MINDY4: variants seen among roughly 807,000 people sequenced by gnomAD.
MINDY4 encodes the protein probable ubiquitin carboxyl-terminal hydrolase MINDY-4.
MINDY4 carries 68 observed loss-of-function variants against 87.0 expected under a neutral mutation model. The observed-to-expected ratio is 0.78, with a 90% CI of 0.64 to 0.96. The LOEUF (loss-of-function observed/expected upper bound fraction) is 0.96, where lower values mean the gene tolerates loss of function less well. MINDY4 is among the 40% of genes least tolerant of loss of function. The pLI is 0.00. For synonymous variants in MINDY4, 379 were observed against 363.2 expected (o/e 1.04, Z -0.50); for missense variants, 919 against 928.2 (o/e 0.99, Z 0.13).
intron 5 of MINDY4, among the ~76,000 whole-genome samples, chr7:30,797,339 C>T (rs930445531): frequency 1.3e-5 from 2 of 152,130 alleles, no homozygotes; most frequent in African/African-American, 2.4e-5. Flanking sequence ...ATTACAAGTG[C>T]TAAGGGGAAA....
intron 5 of MINDY4, among the ~76,000 whole-genome samples, chr7:30,823,566 A>G (rs1168427788): frequency 2.0e-5 from 3 of 152,100 alleles, no homozygotes; most frequent in Non-Finnish European, 2.9e-5. Context: ...CATTATTTCA[A>G]TGACTGCATT....
chr7:30,773,067 G>A (rs1304695666), intron 1 of MINDY4, among the ~76,000 whole-genome samples: 1 of 152,152 alleles, frequency 6.6e-6, no homozygotes, highest in African/African-American at 2.4e-5. Context: ...GGCCCTAAGA[G>A]TAGAAAGGAG....
intron 5 of MINDY4, among the ~76,000 whole-genome samples, chr7:30,820,348 A>G (rs1339778060): frequency 1.3e-5 from 2 of 151,378 alleles, no homozygotes; most frequent in South Asian, 2.1e-4. Flanking sequence ...TTTTCTTTAT[A>G]TAATTTCTCC....
At chr7:30,887,779 G>T (rs1790677301) in intron 17 of MINDY4, among the ~76,000 whole-genome samples, 1 of 152,212 alleles carries the variant, frequency 6.6e-6, no homozygotes, top group South Asian at 2.1e-4. Context: ...GTGCTGACGG[G>T]GACCCGCGGG....
intron 7 of MINDY4, among the ~76,000 whole-genome samples, chr7:30,837,352 G>A (rs1041675834): frequency 1.3e-5 from 2 of 152,162 alleles, no homozygotes; most frequent in Non-Finnish European, 1.5e-5. Context: ...AGGATGGAAT[G>A]TCATTCCCGC....
intron 5 of MINDY4, among the ~76,000 whole-genome samples, chr7:30,793,607 G>A (rs554155583): frequency 2.6e-4 from 39 of 152,152 alleles, no homozygotes; most frequent in Non-Finnish European, 5.1e-4. Flanking sequence ...TTTTTGTAGA[G>A]ACGGGGTTTT....
chr7:30,796,832 T>C (rs1787503823), intron 5 of MINDY4: 1 of 151,866 alleles, frequency 6.6e-6, no homozygotes, highest in Admixed American at 6.6e-5. Flanking sequence ...TTGCTCTTCA[T>C]GTTACAGATC....
chr7:30,833,542 G>A (rs1166374275), intron 6 of MINDY4, among the ~76,000 whole-genome samples: 1 of 152,126 alleles, frequency 6.6e-6, no homozygotes, highest in Non-Finnish European at 1.5e-5. Flanking sequence ...ACAGAGCCAA[G>A]CCATATCATT....
intron 5 of MINDY4, among the ~76,000 whole-genome samples, chr7:30,820,869 AT>A (rs1431727596): frequency 1.3e-5 from 2 of 152,214 alleles, no homozygotes; most frequent in African/African-American, 4.8e-5. Flanking sequence ...GAAAAATGGA[AT>A]TGCAGAATAA....
intron 4 of MINDY4, among the ~76,000 whole-genome samples, chr7:30,788,076 G>A (rs997586531): frequency 6.6e-6 from 1 of 152,100 alleles, no homozygotes; most frequent in South Asian, 2.1e-4. Context: ...TCTCTTTAAC[G>A]TCTTGTTTAG....
intron 15 of MINDY4, among the ~76,000 whole-genome samples, chr7:30,881,883 T>A (rs1790472073): frequency 6.6e-6 from 1 of 152,000 alleles, no homozygotes; most frequent in African/African-American, 2.4e-5. Context: ...AGCTCTTGGA[T>A]GCAGAATGAG....
At chr7:30,844,838 G>A (rs141052324) in intron 9 of MINDY4, among the ~76,000 whole-genome samples, 78 of 152,318 alleles carry the variant, frequency 5.1e-4, no homozygotes, top group African/African-American at 1.3e-3. Flanking sequence ...CACTTTCTCC[G>A]TTTGTGAACT....
chr7:30,891,304 C>G (rs1790786203), intron 17 of MINDY4, among the ~76,000 whole-genome samples: 1 of 152,196 alleles, frequency 6.6e-6, no homozygotes, highest in Non-Finnish European at 1.5e-5. Context: ...TAGGAAATGT[C>G]ATGGTCTCAC....
chr7:30,855,386 C>T (rs1253423580), intron 12 of MINDY4, among the ~76,000 whole-genome samples: 3 of 152,190 alleles, frequency 2.0e-5, no homozygotes, highest in African/African-American at 7.2e-5. Context: ...GCAGCAGTCA[C>T]AGGAGAGGCG....
intron 5 of MINDY4, among the ~76,000 whole-genome samples, chr7:30,813,903 A>G (rs895328706): frequency 2.0e-5 from 3 of 152,114 alleles, no homozygotes; most frequent in Non-Finnish European, 4.4e-5. Context: ...TTCTTTTTTC[A>G]TGATGGGGCA....
chr7:30,843,478 C>T (rs779902290), intron 9 of MINDY4, among the ~76,000 whole-genome samples: 2 of 152,210 alleles, frequency 1.3e-5, no homozygotes, highest in Non-Finnish European at 2.9e-5. Context: ...TGAACTTCAC[C>T]GTGGGCTTCT....
intron 5 of MINDY4, among the ~76,000 whole-genome samples, chr7:30,800,820 G>A (rs1373190202): frequency 2.0e-5 from 3 of 152,202 alleles, no homozygotes; most frequent in Admixed American, 1.3e-4. Context: ...TTCTGCCTTT[G>A]CATTGAAACA....
chr7:30,785,272 A>G (rs1392837918), intron 3 of MINDY4, among the ~76,000 whole-genome samples: 1 of 25,228 alleles, frequency 4.0e-5, no homozygotes, highest in Non-Finnish European at 7.5e-5. Flanking sequence ...TCTCTCTGAC[A>G]CACACACACA....
At chr7:30,847,605 G>GGA (rs1789263065) in intron 9 of MINDY4, among the ~76,000 whole-genome samples, 3 of 152,134 alleles carry the variant, frequency 2.0e-5, no homozygotes, top group African/African-American at 7.2e-5. Flanking sequence ...TTTACAAAGA[G>GGA]GATATAATGG....
Sources: allele counts gnomAD v4.1 joint callset (sites outside exome capture counted in the v4.1 genomes callset), GRCh38; gene constraint gnomAD v4.1.1; transcripts MANE v1.5; gene names NCBI Gene and HGNC (gene_info 2026-07-23, HGNC 2026-07-21).